The following BANK1 variants were observed in gnomAD, a reference collection of about 807,000 sequenced individuals.
The protein encoded by BANK1 is B cell scaffold protein with ankyrin repeats 1, also known as B-cell scaffold protein with ankyrin repeats.
BANK1 carries 95 observed loss-of-function variants against 94.5 expected under a neutral mutation model. The observed-to-expected ratio is 1.00, with a 90% CI of 0.85 to 1.19. The LOEUF is 1.19. BANK1 is among the 50% of genes most tolerant of loss of function. BANK1 has a pLI of 0.00. For missense variants in BANK1, 987 were observed against 932.2 expected, an observed-to-expected ratio of 1.06 and a Z score of -0.77; for synonymous variants, 334 against 308.4, an observed-to-expected ratio of 1.08 and a Z score of -0.87.
At chr4:101,838,012 T>C (rs1726896965) in intron 2 of BANK1, among the ~76,000 whole-genome samples, 1 of 151,650 alleles carries the variant, frequency 6.6e-6, no homozygotes, top group Non-Finnish European at 1.5e-5. Context: ...CAGGCTGGAG[T>C]GCAGTGGTGG....
At chr4:102,019,567 T>A (rs1173657192) in intron 7 of BANK1, among the ~76,000 whole-genome samples, 1 of 152,186 alleles carries the variant, frequency 6.6e-6, no homozygotes, top group Non-Finnish European at 1.5e-5. Context: ...AGAGCTGCGA[T>A]TTGTACTTAA....
intron 7 of BANK1, among the ~76,000 whole-genome samples, chr4:101,974,977 A>G (rs1281975915): frequency 2.0e-5 from 3 of 152,026 alleles, no homozygotes; most frequent in Admixed American, 2.0e-4. Flanking sequence ...AAATAAACTG[A>G]AACATTTAGG....
chr4:101,952,467 A>G (rs1724197801), intron 7 of BANK1, among the ~76,000 whole-genome samples: 1 of 152,152 alleles, frequency 6.6e-6, no homozygotes, highest in Admixed American at 6.6e-5. Context: ...GTCAATGGAA[A>G]ATAAAACTTA....
intron 4 of BANK1, among the ~76,000 whole-genome samples, chr4:101,867,175 T>TAAAAAAAAAAAAAAAAAAAAAAAA (rs774893110): frequency 2.9e-5 from 1 of 34,222 alleles, no homozygotes; most frequent in East Asian, 7.5e-4. Flanking sequence ...TAAAAAAAAT[T>TAAAAAAAAAAAAAAAAAAAAAAAA]TAAAAAAAAA....
At chr4:101,863,026 C>G (rs1249678698) in intron 4 of BANK1, among the ~76,000 whole-genome samples, 2 of 151,876 alleles carry the variant, frequency 1.3e-5, no homozygotes, top group Non-Finnish European at 2.9e-5. Flanking sequence ...TATTAATAAA[C>G]TCTATTTTTT....
At chr4:101,887,947 C>T (rs1340273515) in intron 5 of BANK1, among the ~76,000 whole-genome samples, 1 of 152,096 alleles carries the variant, frequency 6.6e-6, no homozygotes, top group Non-Finnish European at 1.5e-5. Flanking sequence ...CCCTAGAAAA[C>T]ATTTGCTTTG....
chr4:101,937,212 CTT>C (rs1395140241), intron 7 of BANK1, among the ~76,000 whole-genome samples: 3 of 151,690 alleles, frequency 2.0e-5, no homozygotes, highest in Non-Finnish European at 4.4e-5. Flanking sequence ...GAAAAACAAA[CTT>C]TGCATATTCT....
At chr4:101,819,584 A>G (rs1246314912) in intron 1 of BANK1, among the ~76,000 whole-genome samples, 2 of 152,130 alleles carry the variant, frequency 1.3e-5, no homozygotes, top group African/African-American at 4.8e-5. Flanking sequence ...ATTAGATACC[A>G]CCACAATACC....
At chr4:101,968,213 C>G (rs766471199) in intron 7 of BANK1, among the ~76,000 whole-genome samples, 13 of 151,914 alleles carry the variant, frequency 8.6e-5, no homozygotes, top group South Asian at 2.1e-4. Context: ...AGATTGTCAG[C>G]AAGAAATAGC....
chr4:101,848,000 GGCT>G (rs933338526), intron 2 of BANK1, among the ~76,000 whole-genome samples: 64 of 152,274 alleles, frequency 4.2e-4, no homozygotes, highest in African/African-American at 1.5e-3. Flanking sequence ...AGCGAGGAAT[GGCT>G]GCCTGGGAAC....
At chr4:102,045,295 T>G (rs1330058183) in intron 11 of BANK1, among the ~76,000 whole-genome samples, 2 of 152,116 alleles carry the variant, frequency 1.3e-5, no homozygotes, top group East Asian at 3.8e-4. Context: ...TATCTCAAAA[T>G]AATAAGAGCG....
chr4:102,070,715 C>CCCACCT (rs747170491), intron 13 of BANK1, among the ~76,000 whole-genome samples: 2 of 152,106 alleles, frequency 1.3e-5, no homozygotes, highest in Non-Finnish European at 2.9e-5. Context: ...GGAGCCCTCT[C>CCCACCT]CCACCTCGCT....
intron 1 of BANK1, among the ~76,000 whole-genome samples, chr4:101,796,793 GT>G (rs1487383194): frequency 6.6e-6 from 1 of 152,120 alleles, no homozygotes; most frequent in East Asian, 1.9e-4. Context: ...TTTCTGGCAA[GT>G]TTTTAATATA....
chr4:102,065,148 A>G (rs1161303658), intron 13 of BANK1, among the ~76,000 whole-genome samples: 2 of 152,324 alleles, frequency 1.3e-5, no homozygotes, highest in African/African-American at 4.8e-5. Context: ...GCCCTGTCAA[A>G]TTAGGGAGAT....
intron 11 of BANK1, among the ~76,000 whole-genome samples, chr4:102,059,729 T>C (rs977882754): frequency 2.6e-5 from 4 of 152,112 alleles, no homozygotes; most frequent in African/African-American, 9.6e-5. Flanking sequence ...GAAATAAATT[T>C]TCAAATGATC....
At chr4:102,044,029 C>CT (rs780418906) in intron 11 of BANK1, 122 bp downstream of exon 11, 28 of 540,820 alleles carry the variant, frequency 5.2e-5, no homozygotes, top group Admixed American at 8.4e-5. Flanking sequence ...AAATCTTACT[C>CT]TTTTTTTTAT....
chr4:102,001,915 A>G (rs1726090242), intron 7 of BANK1, among the ~76,000 whole-genome samples: 1 of 152,222 alleles, frequency 6.6e-6, no homozygotes, highest in Non-Finnish European at 1.5e-5. Context: ...ATGTTACTTA[A>G]GTAATTCATA....
chr4:102,047,980 A>ACTAT (rs1727938607), intron 11 of BANK1, among the ~76,000 whole-genome samples: 1 of 152,198 alleles, frequency 6.6e-6, no homozygotes, highest in African/African-American at 2.4e-5. Flanking sequence ...TGTATTGATT[A>ACTAT]CTATCTGTCC....
At chr4:101,898,757 T>C (rs1722177196) in intron 6 of BANK1, among the ~76,000 whole-genome samples, 1 of 152,126 alleles carries the variant, frequency 6.6e-6, no homozygotes, top group Admixed American at 6.6e-5. Flanking sequence ...ACTTCATTTA[T>C]AATAAGTAAA....
Sources: gnomAD v4.1 joint callset for allele counts (sites outside exome capture counted in the v4.1 genomes callset) on GRCh38, gnomAD v4.1.1 for gene constraint, MANE v1.5 for transcripts, NCBI Gene and HGNC (gene_info 2026-07-23, HGNC 2026-07-21) for gene names.